The following PDHX variants were observed in gnomAD, a reference collection of about 807,000 sequenced individuals.
PDHX encodes the protein pyruvate dehydrogenase protein X component, mitochondrial.
PDHX carries 33 observed loss-of-function variants against 55.3 expected under a neutral mutation model. That is an observed-to-expected ratio of 0.60 (90% CI 0.45 to 0.80). PDHX has a LOEUF of 0.80. Among genes scored for constraint, PDHX ranks in the 30% least tolerant of loss-of-function variants. The probability of loss-of-function intolerance (pLI) is 0.00; values close to 1 mark genes in which losing one functional copy is unlikely to be tolerated. For synonymous variants in PDHX, 226 were observed against 219.4 expected, an observed-to-expected ratio of 1.03 and a Z score of -0.27; for missense variants, 622 against 619.9, an observed-to-expected ratio of 1.00 and a Z score of -0.04.
At chr11:34,977,610 G>A (rs1022017146) in intron 7 of PDHX, among the ~76,000 whole-genome samples, 2 of 151,688 alleles carry the variant, frequency 1.3e-5, no homozygotes, top group Non-Finnish European at 2.9e-5. Flanking sequence ...AGAAATTTTC[G>A]AACACTTTCC....
At chr11:34,967,851 C>T (rs1169538702) in intron 6 of PDHX, among the ~76,000 whole-genome samples, 1 of 152,138 alleles carries the variant, frequency 6.6e-6, no homozygotes, top group Non-Finnish European at 1.5e-5. Context: ...ACTTGAATAA[C>T]CTGCTCTTTA....
chr11:34,927,483 G>A (rs981828608), intron 1 of PDHX, among the ~76,000 whole-genome samples: 17 of 152,000 alleles, frequency 1.1e-4, no homozygotes, highest in African/African-American at 3.6e-4. Context: ...ATTCCAAGGA[G>A]TCTAGAAAAG....
chr11:34,992,881 G>C (rs1179759504), intron 10 of PDHX, among the ~76,000 whole-genome samples: 1 of 152,040 alleles, frequency 6.6e-6, no homozygotes, highest in Non-Finnish European at 1.5e-5. Flanking sequence ...CCTAAAAGTA[G>C]AATTCCTAAG....
rs182702134 is a variant in PDHX, at chr11:34,939,770, T to C, written c.242-7736T>C. 1.7e-3 allele frequency among the ~76,000 whole-genome samples: 264 copies of C among 152,330 alleles called. 1 individual carries two copies. Among genetic ancestry groups the C allele is most frequent in the Non-Finnish European group, 2.6e-3 (176 of 68,024 alleles). ...TCCGTCTTTGTTGAACTCATGATTC[T>C]AAGAAAATAAGTTTTATAATGACTA... On this transcript the variant is annotated intron_variant, in intron 2 of 10. Transcript: ENST00000227868.
At chr11:34,937,117 A>G (rs1854341398) in intron 2 of PDHX, among the ~76,000 whole-genome samples, 1 of 152,112 alleles carries the variant, frequency 6.6e-6, no homozygotes, top group African/African-American at 2.4e-5. Flanking sequence ...TCTGAGCCCT[A>G]TTAGTAGCAT....
At position 34,966,797 on chromosome 11, in the gene PDHX, G is replaced by C; in HGVS notation, c.799G>C (p.Gly267Arg). 6.2e-6 allele frequency: 10 copies of C among 1,613,672 alleles called. No individual in the cohort carries two copies. Among genetic ancestry groups the C allele is most frequent in the Non-Finnish European group, 8.5e-6 (10 of 1,179,766 alleles). Residue 267 changes from glycine to arginine, a missense_variant, in exon 6 of 11, where the codon GGA (glycine) becomes CGA (arginine). Gly to Arg is a moderately radical substitution (Grantham distance 125, BLOSUM62 -2). Coordinates refer to ENST00000227868, the MANE Select transcript of PDHX (RefSeq NM_003477.3). The part of the protein sequence containing the change: ...RPVIPPVSTP[G>R]QPNAVGTFTE... Reference sequence around the variant, plus strand: ...TGTGATCCCACCAGTATCAACTCCTGGACAACCCAATGCAGTGGTAGTGTT... The same window carrying C: ...TGTGATCCCACCAGTATCAACTCCTCGACAACCCAATGCAGTGGTAGTGTT...
intron 7 of PDHX, among the ~76,000 whole-genome samples, chr11:34,977,289 A>C (rs1294575595): frequency 1.3e-5 from 2 of 152,182 alleles, no homozygotes; most frequent in Non-Finnish European, 2.9e-5. Flanking sequence ...CTTGCAAGAA[A>C]GAATCAAGTG....
intron 7 of PDHX, among the ~76,000 whole-genome samples, chr11:34,973,189 T>C (rs1275385742): frequency 1.3e-5 from 2 of 151,590 alleles, no homozygotes; most frequent in African/African-American, 2.4e-5. Context: ...TGTCCTTATC[T>C]ATTCCTTGTA....
rs527718943 is a variant in PDHX, at chr11:34,972,407, T to C, written c.964+2121T>C. On this transcript the variant is annotated intron_variant, in intron 7 of 10. Transcript: ENST00000227868. ...CCCACAAATGTTGATTTTTTTTTTT[T>C]TTCTTCTTGAGACAGGGTCTTGCTG... Among the ~76,000 whole-genome samples the C allele has an allele frequency of 3.8e-3, 574 of 152,000 alleles. 4 individuals carry two copies. The highest frequency in any genetic ancestry group is 0.013 in the African/African-American group (544 of 41,422).
intron 10 of PDHX, among the ~76,000 whole-genome samples, chr11:34,994,242 A>T (rs537045360): frequency 6.6e-6 from 1 of 152,224 alleles, no homozygotes; most frequent in Non-Finnish European, 1.5e-5. Context: ...CTGCAAACCT[A>T]TACAGCATGT....
chr11:34,941,644 A>G (rs964420888), intron 2 of PDHX, among the ~76,000 whole-genome samples: 1 of 152,180 alleles, frequency 6.6e-6, no homozygotes, highest in African/African-American at 2.4e-5. Flanking sequence ...TTTATTCTTA[A>G]TTTTTGGCAG....
At chr11:34,991,634 C>A (rs1025958179) in intron 9 of PDHX, among the ~76,000 whole-genome samples, 1 of 152,010 alleles carries the variant, frequency 6.6e-6, no homozygotes, top group Non-Finnish European at 1.5e-5. Flanking sequence ...ATTGGCCAGG[C>A]ATGGTGGCTC....
At chr11:34,966,448 G>A (rs921929334) in intron 5 of PDHX, among the ~76,000 whole-genome samples, 192 bp from the exon 6 acceptor site, 1 of 152,110 alleles carries the variant, frequency 6.6e-6, no homozygotes, top group Admixed American at 6.5e-5. Context: ...ATATTAGAAC[G>A]TGACAAATAA....
At chr11:34,916,281 A>G (rs1853690243), upstream of PDHX, 4 of 1,612,304 alleles carry the variant, frequency 2.5e-6, no homozygotes, top group Non-Finnish European at 3.4e-6. Flanking sequence ...TCACAGCCAG[A>G]CATGGCCCAG....
At chr11:34,975,373 T>C (rs575030309) in intron 7 of PDHX, among the ~76,000 whole-genome samples, 1 of 152,312 alleles carries the variant, frequency 6.6e-6, no homozygotes, top group East Asian at 1.9e-4. Flanking sequence ...CAATTTTAAA[T>C]GTTAGACTTT....
In PDHX at chr11:34,916,649, C is replaced by T. The variant is rs751680964; in HGVS notation, c.-7C>T. ...TGCTGCGGGCAGCCAGTGAGAAGGC[C>T]GTCAAGATGGCGGCCTCCTGGAGGC... On this transcript the variant is annotated 5_prime_UTR_variant, in exon 1 of 11. Transcript: ENST00000227868. 1.0e-5 allele frequency: 16 copies of T among 1,607,196 alleles called. No individual in the cohort carries two copies. The highest frequency in any genetic ancestry group is 1.2e-5 in the Non-Finnish European group (14 of 1,179,902).
chr11:34,962,115 A>G (rs7929287), intron 5 of PDHX, among the ~76,000 whole-genome samples: 15,345 of 152,256 alleles, frequency 0.1, 1,622 homozygotes, highest in African/African-American at 0.27. Context: ...TTAATTCATT[A>G]ATCTTTGAGG....
chr11:34,950,418 A>G (rs989944504), intron 3 of PDHX, among the ~76,000 whole-genome samples: 1 of 150,632 alleles, frequency 6.6e-6, no homozygotes, highest in Non-Finnish European at 1.5e-5. Context: ...GTACATGTGC[A>G]CAATGTGCAG....
chr11:34,960,626 C>A, intron 5 of PDHX, 108 bp downstream of exon 5: 1 of 663,254 alleles, frequency 1.5e-6, no homozygotes, highest in East Asian at 2.9e-5. Flanking sequence ...AAAGGAGGTA[C>A]ACTGTTCTTC....
Sources: gnomAD v4.1 joint callset for allele counts (sites outside exome capture counted in the v4.1 genomes callset) on GRCh38, gnomAD v4.1.1 for gene constraint, MANE v1.5 for transcripts, NCBI Gene and HGNC (gene_info 2026-07-23, HGNC 2026-07-21) for gene names.